The following THSD4 variants were observed in gnomAD, a reference collection of about 807,000 sequenced individuals.
THSD4 encodes thrombospondin type-1 domain-containing protein 4.
A neutral mutation model predicts 119.0 loss-of-function variants in THSD4; 69 were observed. The ratio of observed to expected loss-of-function variants is 0.58; its 90% CI spans 0.48 to 0.71. The LOEUF is 0.71. Ranked by LOEUF, THSD4 falls within the 30% of genes least tolerant of loss-of-function variation. The probability of loss-of-function intolerance (pLI) is 0.00; values close to 1 mark genes in which losing one functional copy is unlikely to be tolerated. For synonymous variants in THSD4, 524 were observed against 540.4 expected (o/e 0.97, Z 0.42); for missense variants, 1,393 against 1,391.1 (o/e 1.00, Z -0.02).
intron 8 of THSD4, among the ~76,000 whole-genome samples, chr15:71,710,480 G>T (rs1015643155): frequency 1.3e-5 from 2 of 152,198 alleles, no homozygotes; most frequent in African/African-American, 4.8e-5. Context: ...CTGTTTATTA[G>T]TTGGGAACAT....
chr15:71,780,614 G>A lies in THSD4; in HGVS notation c.*3240G>A, dbSNP rs879773849. The A allele has an allele frequency of 8.8e-6, 4 of 455,478 alleles. No individual in the cohort carries two copies. The highest frequency in any genetic ancestry group is 4.7e-5 in the South Asian group (3 of 64,392). The allele number at this position is 455,478 out of a possible 1,614,324, so 28.2% of individuals were successfully genotyped here. A position where few individuals can be genotyped will look rare whatever the true frequency, so the allele number is the denominator to read the frequency against. ...TTCCGTAAAGGTATGCTCAGTGCCC[G>A]CTGCCTGCAAGCTGTTGGGGACCCC... On this transcript the variant is annotated 3_prime_UTR_variant, in exon 18 of 18. Transcript: ENST00000261862.
chr15:71,170,406 C>T (rs900533171), intron 3 of THSD4, among the ~76,000 whole-genome samples: 1 of 152,102 alleles, frequency 6.6e-6, no homozygotes, highest in African/African-American at 2.4e-5. Flanking sequence ...TGACTGTTCC[C>T]ACTAGGCATA....
chr15:71,340,722 C>T (rs2045555461), intron 6 of THSD4, among the ~76,000 whole-genome samples: 1 of 151,538 alleles, frequency 6.6e-6, no homozygotes, highest in Non-Finnish European at 1.5e-5. Context: ...TCTCCTGCCT[C>T]AACCTCCTGA....
intron 8 of THSD4, among the ~76,000 whole-genome samples, chr15:71,719,260 C>T (rs1012938305): frequency 7.9e-5 from 12 of 152,216 alleles, no homozygotes; most frequent in African/African-American, 2.9e-4. Flanking sequence ...AGCCAGCCTT[C>T]TGATTTTCAG....
intron 7 of THSD4, among the ~76,000 whole-genome samples, chr15:71,477,398 C>T (rs919784213): frequency 4.6e-5 from 7 of 152,106 alleles, no homozygotes; most frequent in African/African-American, 1.7e-4. Flanking sequence ...TGTGCTGCCC[C>T]GCAGGCCCTG....
chr15:71,184,941 A>G (rs1363189322), intron 3 of THSD4, among the ~76,000 whole-genome samples: 1 of 151,636 alleles, frequency 6.6e-6, no homozygotes, highest in Non-Finnish European at 1.5e-5. Flanking sequence ...GGCTCTCCCT[A>G]TGCTGAACAC....
chr15:71,330,223 A>G (rs190392850), intron 6 of THSD4, among the ~76,000 whole-genome samples: 4 of 152,122 alleles, frequency 2.6e-5, no homozygotes, highest in Admixed American at 2.6e-4. Flanking sequence ...AGTCACTCAG[A>G]TGTGCTTTCA....
intron 7 of THSD4, among the ~76,000 whole-genome samples, chr15:71,511,535 A>G (rs1366803607): frequency 6.6e-6 from 1 of 152,188 alleles, no homozygotes; most frequent in Non-Finnish European, 1.5e-5. Flanking sequence ...TCATTTTCAC[A>G]AAAGAATTAA....
At chr15:71,384,394 A>G (rs1223975641) in intron 6 of THSD4, among the ~76,000 whole-genome samples, 2 of 152,020 alleles carry the variant, frequency 1.3e-5, no homozygotes, top group Admixed American at 6.5e-5. Context: ...AAAAAAAAAC[A>G]AAAACATGAA....
chr15:71,379,105 C>T (rs776354586), intron 6 of THSD4, among the ~76,000 whole-genome samples: 9 of 152,026 alleles, frequency 5.9e-5, no homozygotes, highest in Non-Finnish European at 1.3e-4. Flanking sequence ...TGTTTTAAGC[C>T]AGTTGTTGAG....
intron 3 of THSD4, among the ~76,000 whole-genome samples, chr15:71,162,697 G>A (rs1177852059): frequency 2.0e-5 from 3 of 151,986 alleles, no homozygotes; most frequent in Non-Finnish European, 4.4e-5. Flanking sequence ...AAATATTGTT[G>A]TTGTCGTTAA....
chr15:71,348,724 G>A lies in THSD4; in HGVS notation c.1016-62963G>A, dbSNP rs551622042. On this transcript the variant is annotated intron_variant, in intron 6 of 17. Transcript: ENST00000261862. ...CTCCAGATTTGGTCCCAAAGGATACGACTGTTAGCAAAAACCAAATTTACC... is the reference window on the plus strand; with the variant it reads ...CTCCAGATTTGGTCCCAAAGGATACAACTGTTAGCAAAAACCAAATTTACC... Among the ~76,000 whole-genome samples the A allele has an allele frequency of 3.3e-5, 5 of 152,300 alleles. No homozygotes were observed. The South Asian group carries it at 1.0e-3, about 32-fold the overall frequency.
intron 6 of THSD4, among the ~76,000 whole-genome samples, chr15:71,371,336 T>G (rs2046044384): frequency 6.6e-6 from 1 of 152,182 alleles, no homozygotes; most frequent in Non-Finnish European, 1.5e-5. Flanking sequence ...GTTAGCTGGT[T>G]ATTTTGCTCG....
intron 7 of THSD4, among the ~76,000 whole-genome samples, chr15:71,597,501 A>G (rs72740608): frequency 0.074 from 11,266 of 152,318 alleles, 478 homozygotes; most frequent in South Asian, 0.12. Context: ...GACAACATAC[A>G]TTATAAAAGG....
intron 8 of THSD4, among the ~76,000 whole-genome samples, chr15:71,708,509 A>G (rs1258795212): frequency 2.0e-5 from 3 of 152,202 alleles, no homozygotes; most frequent in Non-Finnish European, 2.9e-5. Context: ...AGAAAAACAA[A>G]CTATATAGAA....
At chr15:71,482,993 TC>T (rs1240591784) in intron 7 of THSD4, among the ~76,000 whole-genome samples, 1 of 152,000 alleles carries the variant, frequency 6.6e-6, no homozygotes, top group Admixed American at 6.6e-5. Context: ...GCCATGCCCA[TC>T]CCAGCTATGA....
intron 7 of THSD4, among the ~76,000 whole-genome samples, chr15:71,443,069 G>T (rs1383370272): frequency 2.0e-5 from 3 of 152,088 alleles, no homozygotes; most frequent in Non-Finnish European, 4.4e-5. Flanking sequence ...GAGAAAGGGG[G>T]AGAAAGAGGG....
chr15:71,460,743 T>A (rs981397652), intron 7 of THSD4, among the ~76,000 whole-genome samples: 1 of 152,232 alleles, frequency 6.6e-6, no homozygotes, highest in Non-Finnish European at 1.5e-5. Flanking sequence ...CTACGTTTCG[T>A]ATTTAATGCC....
At chr15:71,759,910 C>A (rs1444918033) in intron 15 of THSD4, among the ~76,000 whole-genome samples, 2 of 152,062 alleles carry the variant, frequency 1.3e-5, no homozygotes, top group African/African-American at 4.8e-5. Context: ...GGTCAAGATA[C>A]AATTGAATGT....
Sources: gnomAD v4.1 joint callset for allele counts (sites outside exome capture counted in the v4.1 genomes callset) on GRCh38, gnomAD v4.1.1 for gene constraint, MANE v1.5 for transcripts, NCBI Gene and HGNC (gene_info 2026-07-23, HGNC 2026-07-21) for gene names.